Variants in AFF3 observed in about 807,000 individuals in gnomAD.
AFF3 encodes the protein ALF transcription elongation factor 3.
In AFF3, 32 loss-of-function variants were observed where a neutral mutation model predicts 129.7. The ratio of observed to expected loss-of-function variants is 0.25; its 90% CI spans 0.19 to 0.33. AFF3 has a LOEUF of 0.33. AFF3 is among the 10% of genes least tolerant of loss of function. AFF3 has a pLI of 1.00. For missense variants in AFF3, 1,373 were observed against 1,592.0 expected (o/e 0.86, Z 2.34); for synonymous variants, 644 against 635.4 (o/e 1.01, Z -0.20).
Position 99,593,939 on chromosome 2 carries a change from G to A in AFF3, c.1722C>T (p.Asn574=), listed in dbSNP as rs771387532. The A allele has an allele frequency of 1.3e-4, 192 of 1,424,604 alleles. 1 individual carries two copies. The East Asian group carries it at 1.8e-3, about 14-fold the overall frequency. The allele number at this position is 1,424,604 out of a possible 1,614,324, so 88.2% of individuals were successfully genotyped here. A position where few individuals can be genotyped will look rare whatever the true frequency, so the allele number is the denominator to read the frequency against. ...CGGACCTCCGGGCAGGCGCGGGCGC[G>A]TTCTCCGCGGGCGCACAGGGCACTG... ...PPAVPCAPAE[N]APAPARRSAG... is the part of the protein sequence containing the mutation. Residue 574 remains asparagine (N), a synonymous_variant, in exon 15 of 25, where the codon AAC becomes AAT. Coordinates refer to ENST00000672756, the MANE Select transcript of AFF3 (RefSeq NM_001386135.1).
intron 17 of AFF3, among the ~76,000 whole-genome samples, chr2:99,582,031 T>G (rs902106339): frequency 6.6e-6 from 1 of 151,954 alleles, no homozygotes; most frequent in Non-Finnish European, 1.5e-5. Flanking sequence ...ATTTTTGTAT[T>G]TTCAGTATAG....
intron 4 of AFF3, among the ~76,000 whole-genome samples, chr2:100,039,950 T>C (rs183445637): frequency 6.6e-6 from 1 of 152,324 alleles, no homozygotes; most frequent in East Asian, 1.9e-4. Context: ...CCTCAGTGGA[T>C]AAATGTCTGT....
At chr2:99,727,186 A>T in intron 10 of AFF3, 58 bp from the exon 11 acceptor site, 2 of 1,459,166 alleles carry the variant, frequency 1.4e-6, no homozygotes, top group South Asian at 1.2e-5. Flanking sequence ...TTTAAGATTT[A>T]AGAGAGATTA....
chr2:100,106,335 C>T, intron 2 of AFF3: 1 of 1,154,622 alleles, frequency 8.7e-7, no homozygotes, highest in Admixed American at 4.0e-5. Flanking sequence ...TAGCAAGTAG[C>T]AAGAAGATTA....
At chr2:99,833,170 G>A (rs2105768787) in intron 8 of AFF3, among the ~76,000 whole-genome samples, 1 of 152,318 alleles carries the variant, frequency 6.6e-6, no homozygotes, top group South Asian at 2.1e-4. Context: ...GGGCTATCAT[G>A]ATGTGCATTT....
chr2:99,722,673 T>C (rs1291951572), intron 11 of AFF3, among the ~76,000 whole-genome samples: 1 of 152,208 alleles, frequency 6.6e-6, no homozygotes, highest in Non-Finnish European at 1.5e-5. Context: ...TTTCTAGTTA[T>C]TGTTTTCCAC....
At chr2:99,830,939 G>A (rs1688472820) in intron 8 of AFF3, among the ~76,000 whole-genome samples, 1 of 152,116 alleles carries the variant, frequency 6.6e-6, no homozygotes, top group Admixed American at 6.5e-5. Context: ...TGGGTGGCTG[G>A]AGAAAGGCAG....
chr2:99,625,665 G>A (rs2105340955), intron 13 of AFF3, among the ~76,000 whole-genome samples: 1 of 152,268 alleles, frequency 6.6e-6, no homozygotes, highest in African/African-American at 2.4e-5. Context: ...CAGAAGGAAA[G>A]TTTGAGGGCC....
At chr2:99,712,201 A>G (rs1014958763) in intron 11 of AFF3, among the ~76,000 whole-genome samples, 6 of 152,112 alleles carry the variant, frequency 3.9e-5, no homozygotes, top group African/African-American at 1.2e-4. Context: ...TTGGGTTAAA[A>G]CTTTCCTAGG....
chr2:99,991,999 G>C (rs1025893044), intron 7 of AFF3, among the ~76,000 whole-genome samples: 1 of 151,118 alleles, frequency 6.6e-6, no homozygotes, highest in African/African-American at 2.4e-5. Flanking sequence ...AAGAAGCATA[G>C]CCAATTTCAA....
intron 12 of AFF3, among the ~76,000 whole-genome samples, chr2:99,664,351 A>G (rs1037597996): frequency 2.0e-5 from 3 of 152,256 alleles, no homozygotes; most frequent in African/African-American, 7.2e-5. Flanking sequence ...CCAGCACTAG[A>G]GGCTACAGCC....
intron 8 of AFF3, among the ~76,000 whole-genome samples, chr2:99,832,252 T>A (rs752288182): frequency 1.3e-5 from 2 of 152,224 alleles, no homozygotes; most frequent in Non-Finnish European, 1.5e-5. Flanking sequence ...GCAAACAACT[T>A]TGTGATTTCT....
At chr2:100,109,690 A>G (rs1369746531) in intron 2 of AFF3, among the ~76,000 whole-genome samples, 1 of 152,202 alleles carries the variant, frequency 6.6e-6, no homozygotes, top group African/African-American at 2.4e-5. Flanking sequence ...AAACATGTCT[A>G]TATTACTGTC....
At chr2:100,126,090 T>C (rs376976901) in intron 2 of AFF3, among the ~76,000 whole-genome samples, 1 of 152,170 alleles carries the variant, frequency 6.6e-6, no homozygotes, top group East Asian at 1.9e-4. Context: ...ACTGAATAAA[T>C]AGAGCGTGGC....
intron 8 of AFF3, among the ~76,000 whole-genome samples, chr2:99,766,331 T>C (rs1683016691): frequency 6.6e-6 from 1 of 152,246 alleles, no homozygotes. Context: ...TTCTACTAAC[T>C]TTATGCAAGT....
intron 11 of AFF3, among the ~76,000 whole-genome samples, chr2:99,713,418 G>C (rs900109430): frequency 6.6e-6 from 1 of 151,646 alleles, no homozygotes; most frequent in African/African-American, 2.4e-5. Flanking sequence ...ACAGGCACGT[G>C]CCACCACGCT....
Position 99,549,359 on chromosome 2 carries a change from T to G in AFF3, c.*2115A>C, listed in dbSNP as rs1033864225. On this transcript the variant is annotated 3_prime_UTR_variant, in exon 25 of 25. Coordinates refer to ENST00000672756, the MANE Select transcript of AFF3 (RefSeq NM_001386135.1). ...CAACACTTTGGGAGGTGGAGGCGGG[T>G]AGATCACCTGAGGTCAGGAGTTTGA... The G allele has an allele frequency of 1.1e-5, 2 of 184,914 alleles. No homozygotes were observed. The highest frequency in any genetic ancestry group is 2.3e-5 in the Non-Finnish European group (2 of 87,466). The allele number at this position is 184,914 out of a possible 1,614,324, so 11.5% of individuals were successfully genotyped here. A position where few individuals can be genotyped will look rare whatever the true frequency, so the allele number is the denominator to read the frequency against.
In AFF3 at chr2:99,826,977, G is replaced by C. The variant is rs973656029; in HGVS notation, c.921+10500C>G. On this transcript the variant is annotated intron_variant, in intron 8 of 24. Coordinates refer to ENST00000672756, the MANE Select transcript of AFF3 (RefSeq NM_001386135.1). ...CCACCGGAGGGAGACAGAGCTGACA[G>C]GCTTGGTGAGGAACTGAACATGGTG... Among the ~76,000 whole-genome samples the C allele has an allele frequency of 4.6e-5, 7 of 152,238 alleles. No homozygotes were observed. The Middle Eastern group carries it at 0.01, about 222-fold the overall frequency.
chr2:100,070,446 T>C (rs1688084191), intron 4 of AFF3, among the ~76,000 whole-genome samples: 1 of 152,204 alleles, frequency 6.6e-6, no homozygotes, highest in African/African-American at 2.4e-5. Context: ...CAGGTCAACT[T>C]TCCTGTTCAT....
Sources: gnomAD v4.1 joint callset for allele counts (sites outside exome capture counted in the v4.1 genomes callset) on GRCh38, gnomAD v4.1.1 for gene constraint, MANE v1.5 for transcripts, NCBI Gene and HGNC (gene_info 2026-07-23, HGNC 2026-07-21) for gene names.